WNT7A: variants seen among roughly 807,000 people sequenced by gnomAD.
WNT7A encodes Wnt family member 7A.
Under a neutral mutation model 28.2 loss-of-function variants are expected in WNT7A, and 16 were observed. The observed-to-expected ratio is 0.57, with a 90% CI of 0.38 to 0.86. WNT7A has a LOEUF of 0.86. WNT7A is among the 40% of genes least tolerant of loss of function. The probability of loss-of-function intolerance (pLI) is 0.00; values close to 1 mark genes in which losing one functional copy is unlikely to be tolerated. For synonymous variants in WNT7A, 190 were observed against 195.9 expected (o/e 0.97, Z 0.25); for missense variants, 411 against 489.7 (o/e 0.84, Z 1.52).
intron 2 of WNT7A, among the ~76,000 whole-genome samples, chr3:13,856,987 G>GAGAAGAAGAAGAAGAAGGAGA (rs1694756009): frequency 2.8e-5 from 2 of 71,598 alleles, no homozygotes; most frequent in African/African-American, 1.5e-4. Flanking sequence ...GAAGAAGAAG[G>GAGAAGAAGAAGAAGAAGGAGA]AGAAGAAGAA....
At position 13,818,878 on chromosome 3, in the gene WNT7A, G is replaced by C. The variant is rs1025718104; in HGVS notation, c.*66C>G. 1.3e-5 allele frequency: 19 copies of C among 1,514,996 alleles called. No homozygotes were observed. In the Admixed American group the frequency reaches 3.9e-4, roughly 31 times the overall value. 93.8% of individuals were successfully genotyped at this position (1,514,996 alleles called of 1,614,324 possible). A position where few individuals can be genotyped will look rare whatever the true frequency, so the allele number is the denominator to read the frequency against. On this transcript the variant is annotated 3_prime_UTR_variant, in exon 4 of 4. Transcript: ENST00000285018. The stretch of plus-strand genomic sequence containing the variant: ...TCAGCATCCTGCCAGGGAGCCCGCA[G>C]CTTGGAAACGGTCCAGTCCTCCCAG...
intron 3 of WNT7A, among the ~76,000 whole-genome samples, chr3:13,833,827 C>T (rs918283727): frequency 6.6e-6 from 1 of 152,250 alleles, no homozygotes; most frequent in Non-Finnish European, 1.5e-5. Context: ...ATGGCCTTGG[C>T]AGTCAGTCAT....
Position 13,819,374 on chromosome 3 carries a change from C to G in WNT7A, c.620G>C (p.Gly207Ala). Residue 207 changes from glycine to alanine, a missense_variant, in exon 4 of 4, where the codon GGC becomes GCC. Transcript: ENST00000285018. ...CCAGCACGTCTTGGTGGTGCACGAG[C>G]CTGACACGCCGTGGCACTTACATTC... Reference protein sequence around the residue: ...KLECKCHGVSGSCTTKTCWTT... With the variant: ...KLECKCHGVSASCTTKTCWTT... 1 of 1,613,402 alleles carries G rather than the reference C, an allele frequency of 6.2e-7. No homozygotes were observed. The highest frequency in any genetic ancestry group is 8.5e-7 in the Non-Finnish European group (1 of 1,179,678).
chr3:13,830,446 C>T (rs955141651), intron 3 of WNT7A, among the ~76,000 whole-genome samples: 9 of 152,154 alleles, frequency 5.9e-5, no homozygotes, highest in Non-Finnish European at 1.0e-4. Context: ...AGCACCCACC[C>T]TGCACCAACC....
At chr3:13,877,693 C>A (rs1695130402) in intron 1 of WNT7A, among the ~76,000 whole-genome samples, 1 of 102,260 alleles carries the variant, frequency 9.8e-6, no homozygotes, top group Non-Finnish European at 2.1e-5. Context: ...GATAACTAGT[C>A]CCCACCTCAT....
intron 3 of WNT7A, among the ~76,000 whole-genome samples, chr3:13,848,877 C>T (rs2124852538): frequency 6.6e-6 from 1 of 152,252 alleles, no homozygotes; most frequent in South Asian, 2.1e-4. Flanking sequence ...GCAAAACAAA[C>T]TGTGGAGACT....
At position 13,854,616 on chromosome 3, in the gene WNT7A, G is replaced by A. The variant is rs201140258; in HGVS notation, c.486C>T (p.Phe162=). The A allele has an allele frequency of 9.9e-6, 16 of 1,614,192 alleles. No homozygotes were observed. The highest frequency in any genetic ancestry group is 4.5e-5 in the East Asian group (2 of 44,874). Residue 162 remains phenylalanine (F), a synonymous_variant, in exon 3 of 4, where the codon TTC becomes TTT. Transcript: ENST00000285018. ...CCCGGGCATCCACAAAGACCTTGGC[G>A]AAGCCGATGCCGTAGCGGATGTCGG... ...CSADIRYGIG[F]AKVFVDAREI...
At chr3:13,856,911 G>GAAGAAGAAGAAA (rs1559303242) in intron 2 of WNT7A, among the ~76,000 whole-genome samples, 15 of 83,402 alleles carry the variant, frequency 1.8e-4, no homozygotes, top group Non-Finnish European at 2.9e-4. Context: ...AGAAGAAGAA[G>GAAGAAGAAGAAA]AAGAAGAAGA....
chr3:13,829,352 G>C (rs1411350254), intron 3 of WNT7A, among the ~76,000 whole-genome samples: 1 of 152,220 alleles, frequency 6.6e-6, no homozygotes, highest in Non-Finnish European at 1.5e-5. Flanking sequence ...TGCATCCTAA[G>C]AGATTTGTTC....
intron 3 of WNT7A, among the ~76,000 whole-genome samples, chr3:13,837,341 G>A (rs988680825): frequency 6.6e-6 from 1 of 150,708 alleles, no homozygotes; most frequent in African/African-American, 2.5e-5. Context: ...TCTCCACAGT[G>A]CCCCGCATCA....
At chr3:13,860,845 T>C (rs997170006) in intron 2 of WNT7A, among the ~76,000 whole-genome samples, 1 of 152,250 alleles carries the variant, frequency 6.6e-6, no homozygotes, top group Non-Finnish European at 1.5e-5. Flanking sequence ...AAGGGTGGTC[T>C]GTTCTATTGC....
chr3:13,876,813 G>A (rs907116010), intron 1 of WNT7A, among the ~76,000 whole-genome samples: 1 of 152,000 alleles, frequency 6.6e-6, no homozygotes, highest in African/African-American at 2.4e-5. Flanking sequence ...TGACCTCAAG[G>A]GTCACCTCCC....
intron 3 of WNT7A, among the ~76,000 whole-genome samples, chr3:13,820,477 C>T (rs1201328996): frequency 1.3e-5 from 2 of 151,784 alleles, no homozygotes; most frequent in East Asian, 3.9e-4. Context: ...AGGCAAGGGG[C>T]TTGGAGCTGA....
chr3:13,838,063 G>A (rs554649515), intron 3 of WNT7A, among the ~76,000 whole-genome samples: 4 of 152,298 alleles, frequency 2.6e-5, no homozygotes, highest in African/African-American at 9.6e-5. Context: ...TTTTCCAGTC[G>A]GGCAAATGGA....
intron 1 of WNT7A, among the ~76,000 whole-genome samples, chr3:13,878,818 C>T (rs1047003323): frequency 6.6e-6 from 1 of 152,164 alleles, no homozygotes; most frequent in Non-Finnish European, 1.5e-5. Context: ...CCCAGATCCC[C>T]CCGCCCCCAC....
In WNT7A at chr3:13,874,939, G is replaced by A. The variant is rs1203150793; in HGVS notation, c.298+8C>T. Reference sequence around the variant, plus strand: ...AGACTCTGCGGGGGTGTTTGGGTGAGCACATACCCACTTTGAGCTCCTTCC... The same window carrying A: ...AGACTCTGCGGGGGTGTTTGGGTGAACACATACCCACTTTGAGCTCCTTCC... On this transcript the variant is annotated splice_region_variant and intron_variant, in intron 2 of 3. Coordinates refer to ENST00000285018, the MANE Select transcript of WNT7A (RefSeq NM_004625.4). 1 of 1,613,580 alleles carries A rather than the reference G, an allele frequency of 6.2e-7. No individual in the cohort carries two copies. Among genetic ancestry groups the A allele is most frequent in the Non-Finnish European group, 8.5e-7 (1 of 1,179,928 alleles).
chr3:13,860,885 A>G lies in WNT7A; in HGVS notation c.299-6082T>C, dbSNP rs564756104. On this transcript the variant is annotated intron_variant, in intron 2 of 3. Transcript: ENST00000285018. ...GAAATGGGATGAGATCATATGTCCAATGACATATAGTACATAAAAAGCTGA... is the reference window on the plus strand; with the variant it reads ...GAAATGGGATGAGATCATATGTCCAGTGACATATAGTACATAAAAAGCTGA... Among the ~76,000 whole-genome samples, 14 of 152,228 alleles carry G rather than the reference A, an allele frequency of 9.2e-5. 1 individual carries two copies. The South Asian group carries it at 2.7e-3, about 29-fold the overall frequency.
chr3:13,878,268 C>A (rs540822388), intron 1 of WNT7A, among the ~76,000 whole-genome samples: 3 of 152,218 alleles, frequency 2.0e-5, no homozygotes, highest in Non-Finnish European at 4.4e-5. Context: ...CCCCGCCACC[C>A]GTGTCCCTCC....
At chr3:13,847,842 G>C (rs907866482) in intron 3 of WNT7A, among the ~76,000 whole-genome samples, 7 of 152,272 alleles carry the variant, frequency 4.6e-5, no homozygotes, top group African/African-American at 1.7e-4. Flanking sequence ...GTTTAACAGG[G>C]ACAGAGTCTT....
Sources: allele counts gnomAD v4.1 joint callset (sites outside exome capture counted in the v4.1 genomes callset), GRCh38; gene constraint gnomAD v4.1.1; transcripts MANE v1.5; gene names NCBI Gene and HGNC (gene_info 2026-07-23, HGNC 2026-07-21).